The following DIP2C variants were observed in gnomAD, a reference collection of about 807,000 sequenced individuals.
DIP2C encodes DIP2 acetate--CoA ligase C (putative), also known as disco-interacting protein 2 homolog C.
DIP2C carries 33 observed loss-of-function variants against 192.4 expected under a neutral mutation model. The ratio of observed to expected loss-of-function variants is 0.17; its 90% CI spans 0.13 to 0.23. The LOEUF (loss-of-function observed/expected upper bound fraction) is 0.23, where lower values mean the gene tolerates loss of function less well. DIP2C is among the 10% of genes least tolerant of loss of function. The pLI, the probability that DIP2C is intolerant of heterozygous loss-of-function variation, is 1.00. For missense variants in DIP2C, 1,537 were observed against 2,110.1 expected, an observed-to-expected ratio of 0.73 and a Z score of 5.32; for synonymous variants, 979 against 864.1, an observed-to-expected ratio of 1.13 and a Z score of -2.33.
chr10:277,180 GTCCTCTTCCTCC>G lies in DIP2C; in HGVS notation c.*133_*144del, dbSNP rs747659725. 334 of 1,256,438 alleles carry G rather than the reference GTCCTCTTCCTCC, an allele frequency of 2.7e-4. No homozygotes were observed. The highest frequency in any genetic ancestry group is 8.2e-4 in the Middle Eastern group (4 of 4,876). The allele number at this position is 1,256,438 out of a possible 1,614,324, so 77.8% of individuals were successfully genotyped here. A position where few individuals can be genotyped will look rare whatever the true frequency, so the allele number is the denominator to read the frequency against. On this transcript the variant is annotated 3_prime_UTR_variant, in exon 37 of 37. Transcript: ENST00000280886. ...ATGCCAATCGTGGCTGCTGTGAGAA[GTCCTCTTCCTCC>G]TCCTCTTCCTCCTCCACTCTCACCA...
chr10:390,520 C>G (rs759519044), intron 11 of DIP2C, 147 bp from the exon 12 acceptor site: 12 of 1,061,728 alleles, frequency 1.1e-5, no homozygotes, highest in Non-Finnish European at 1.5e-5. Flanking sequence ...AAGACATCAA[C>G]AGAAGAGCAC....
intron 4 of DIP2C, among the ~76,000 whole-genome samples, chr10:423,993 C>G (rs1477057933): frequency 6.6e-6 from 1 of 152,146 alleles, no homozygotes; most frequent in Non-Finnish European, 1.5e-5. Context: ...AATTTTTTCA[C>G]TATAATTTAT....
At chr10:520,294 CAA>C (rs1402014970) in intron 1 of DIP2C, among the ~76,000 whole-genome samples, 1 of 152,150 alleles carries the variant, frequency 6.6e-6, no homozygotes. Context: ...TCAGACGCCA[CAA>C]AGTCACATCA....
chr10:472,384 C>A, intron 3 of DIP2C, 55 bp downstream of exon 3: 1 of 1,537,214 alleles, frequency 6.5e-7, no homozygotes, highest in Non-Finnish European at 9.0e-7. Flanking sequence ...GGCACAGGCA[C>A]CGTCCTGGCA....
intron 1 of DIP2C, among the ~76,000 whole-genome samples, chr10:541,317 A>G (rs1847972214): frequency 6.6e-6 from 1 of 152,176 alleles, no homozygotes; most frequent in African/African-American, 2.4e-5. Context: ...AAGCACAGAC[A>G]TGCTCAGGTC....
chr10:348,903 C>T (rs539359439), intron 25 of DIP2C, 141 bp from the exon 26 acceptor site: 150 of 1,305,658 alleles, frequency 1.1e-4, no homozygotes, highest in South Asian at 2.0e-4. Flanking sequence ...GTCATCCTGG[C>T]GGGTTTTGTC....
intron 1 of DIP2C, among the ~76,000 whole-genome samples, chr10:553,347 A>T (rs941768320): frequency 2.6e-5 from 4 of 152,172 alleles, no homozygotes; most frequent in Non-Finnish European, 5.9e-5. Flanking sequence ...CTCAAGAAGG[A>T]TTTGCAGAAT....
intron 1 of DIP2C, among the ~76,000 whole-genome samples, chr10:579,723 T>C (rs1260929418): frequency 1.3e-5 from 2 of 151,954 alleles, no homozygotes; most frequent in Non-Finnish European, 2.9e-5. Context: ...CACATCCATA[T>C]CAATACAGCA....
intron 1 of DIP2C, among the ~76,000 whole-genome samples, chr10:610,820 A>C (rs567431921): frequency 2.8e-5 from 4 of 144,292 alleles, no homozygotes; most frequent in African/African-American, 1.0e-4. Flanking sequence ...CTAACGCCCC[A>C]GTGTTGGAGG....
intron 22 of DIP2C, 49 bp downstream of exon 22, chr10:362,441 C>G (rs1033484509): frequency 2.5e-6 from 4 of 1,593,436 alleles, no homozygotes; most frequent in African/African-American, 1.3e-5. Flanking sequence ...TGCCGTGCAG[C>G]CCCAAGGGAA....
intron 1 of DIP2C, among the ~76,000 whole-genome samples, chr10:658,962 T>G (rs1588704131): frequency 6.6e-6 from 1 of 151,864 alleles, no homozygotes; most frequent in African/African-American, 2.4e-5. Context: ...GACACATATC[T>G]CACACACACA....
intron 28 of DIP2C, 47 bp downstream of exon 28, chr10:344,762 G>C: frequency 6.6e-7 from 1 of 1,505,146 alleles, no homozygotes; most frequent in Non-Finnish European, 9.1e-7. Context: ...CCTCCAGCAC[G>C]CTCCGCAGTT....
chr10:621,573 A>C (rs1853854574), intron 1 of DIP2C, among the ~76,000 whole-genome samples: 1 of 152,168 alleles, frequency 6.6e-6, no homozygotes, highest in Non-Finnish European at 1.5e-5. Context: ...AGAGAGGAAG[A>C]GGAGGAGGAG....
intron 1 of DIP2C, among the ~76,000 whole-genome samples, chr10:599,443 T>C (rs190416043): frequency 1.3e-5 from 2 of 152,290 alleles, no homozygotes; most frequent in Non-Finnish European, 2.9e-5. Context: ...AACTGAACCC[T>C]TACTAGACCA....
rs78277958 is a variant in DIP2C, at chr10:652,734, G to A, written c.85+36760C>T. On this transcript the variant is annotated intron_variant, in intron 1 of 36. Coordinates refer to ENST00000280886, the MANE Select transcript of DIP2C (RefSeq NM_014974.3). The surrounding 1 kb of genome is among the most constrained non-coding windows in gnomAD (Gnocchi z 4.5). ...CTGACCCCATGAGAACACTTTGTGCGTCTTTCTAGGTATTTTCTATCCTCC... is the reference window on the plus strand; with the variant it reads ...CTGACCCCATGAGAACACTTTGTGCATCTTTCTAGGTATTTTCTATCCTCC... 4,899 of 151,696 alleles carry A rather than the reference G, an allele frequency of 0.032. 257 individuals carry two copies. Among genetic ancestry groups the A allele is most frequent in the African/African-American group, 0.11 (4,503 of 41,276 alleles). 9.4% of individuals were successfully genotyped at this position (151,696 alleles called of 1,614,324 possible). A position where few individuals can be genotyped will look rare whatever the true frequency, so the allele number is the denominator to read the frequency against.
chr10:474,043 G>A (rs141658028), intron 2 of DIP2C, among the ~76,000 whole-genome samples: 10 of 152,294 alleles, frequency 6.6e-5, no homozygotes, highest in African/African-American at 2.2e-4. Context: ...GGACTGAACT[G>A]TCTGCTGCTC....
chr10:295,111 T>C (rs72653031), intron 32 of DIP2C, among the ~76,000 whole-genome samples: 1 of 152,114 alleles, frequency 6.6e-6, no homozygotes, highest in African/African-American at 2.4e-5. Flanking sequence ...CTTTTTTTTT[T>C]CTTAAGTGAA....
chr10:575,273 C>T (rs1014544950), intron 1 of DIP2C, among the ~76,000 whole-genome samples: 1 of 152,184 alleles, frequency 6.6e-6, no homozygotes, highest in African/African-American at 2.4e-5. Context: ...ACTGGTATCG[C>T]AAAATCCAGT....
intron 1 of DIP2C, among the ~76,000 whole-genome samples, chr10:535,417 C>G (rs1433773094): frequency 1.3e-5 from 2 of 152,042 alleles, no homozygotes; most frequent in African/African-American, 2.4e-5. Context: ...TGGAAATCAT[C>G]CACGTCTAGT....
Sources: allele counts gnomAD v4.1 joint callset (sites outside exome capture counted in the v4.1 genomes callset), GRCh38; gene constraint gnomAD v4.1.1; non-coding constraint Gnocchi (gnomAD v3.1); transcripts MANE v1.5; gene names NCBI Gene and HGNC (gene_info 2026-07-23, HGNC 2026-07-21).